The following RABGAP1L variants were observed in gnomAD, a reference collection of about 807,000 sequenced individuals.
The protein encoded by RABGAP1L is RAB GTPase activating protein 1 like, also known as rab GTPase-activating protein 1-like.
In RABGAP1L, 63 loss-of-function variants were observed where a neutral mutation model predicts 137.7. The observed-to-expected ratio is 0.46, with a 90% CI of 0.37 to 0.56. The LOEUF is 0.56. Ranked by LOEUF, RABGAP1L falls within the 20% of genes least tolerant of loss-of-function variation. The pLI is 0.00. For missense variants in RABGAP1L, 1,095 were observed against 1,244.0 expected (o/e 0.88, Z 1.80); for synonymous variants, 431 against 433.7 (o/e 0.99, Z 0.08).
intron 18 of RABGAP1L, among the ~76,000 whole-genome samples, chr1:174,756,557 C>A (rs1218022289): frequency 2.0e-5 from 3 of 151,880 alleles, no homozygotes; most frequent in Admixed American, 6.6e-5. Context: ...CAAATGGTAT[C>A]AAACGGACTG....
At chr1:174,305,775 ATT>A (rs1009119908) in intron 11 of RABGAP1L, among the ~76,000 whole-genome samples, 2 of 151,014 alleles carry the variant, frequency 1.3e-5, no homozygotes, top group African/African-American at 4.9e-5. Context: ...ATATATATAT[ATT>A]TTTAATACTT....
chr1:174,494,658 C>T lies in RABGAP1L; in HGVS notation c.1710+100513C>T, dbSNP rs553597597. 2.0e-5 allele frequency among the ~76,000 whole-genome samples: 3 copies of T among 152,216 alleles called. No individual in the cohort carries two copies. The South Asian group carries it at 6.2e-4, about 32-fold the overall frequency. On this transcript the variant is annotated intron_variant, in intron 13 of 25. Coordinates refer to ENST00000681986, the MANE Select transcript of RABGAP1L (RefSeq NM_001366446.1). ...GCCAGTAGAAAGAATTCCTAACAGC[C>T]AAAATCTCTGGTCTTTTAGAATGTC...
chr1:174,596,288 T>A (rs1669908503), intron 13 of RABGAP1L, among the ~76,000 whole-genome samples: 1 of 150,894 alleles, frequency 6.6e-6, no homozygotes, highest in South Asian at 2.1e-4. Context: ...GTACCTCAGA[T>A]GGAAATGCAG....
At chr1:174,972,801 C>G (rs1349563321) in intron 21 of RABGAP1L, among the ~76,000 whole-genome samples, 1 of 129,742 alleles carries the variant, frequency 7.7e-6, no homozygotes, top group Non-Finnish European at 1.5e-5. Flanking sequence ...TTGCAGTGAG[C>G]CAAGATCGCA....
intron 17 of RABGAP1L, among the ~76,000 whole-genome samples, chr1:174,712,451 G>A (rs1680628677): frequency 6.6e-6 from 1 of 152,158 alleles, no homozygotes; most frequent in Non-Finnish European, 1.5e-5. Flanking sequence ...CACCGCGAAG[G>A]TCTGCAGCTT....
intron 13 of RABGAP1L, among the ~76,000 whole-genome samples, chr1:174,548,805 A>C (rs1409209910): frequency 6.6e-6 from 1 of 152,212 alleles, no homozygotes; most frequent in Non-Finnish European, 1.5e-5. Flanking sequence ...GGTTTAAGTA[A>C]CACTAAAAGT....
intron 11 of RABGAP1L, among the ~76,000 whole-genome samples, chr1:174,318,531 C>T (rs921567005): frequency 5.9e-5 from 9 of 151,734 alleles, no homozygotes; most frequent in South Asian, 2.1e-4. Flanking sequence ...CATTTATATT[C>T]GAGATATTTA....
chr1:174,500,931 T>G (rs557577825), intron 13 of RABGAP1L, among the ~76,000 whole-genome samples: 1 of 152,332 alleles, frequency 6.6e-6, no homozygotes, highest in African/African-American at 2.4e-5. Flanking sequence ...GCCGCTGACA[T>G]TAAAGACCAA....
At chr1:174,651,584 A>G (rs529052009) in intron 14 of RABGAP1L, among the ~76,000 whole-genome samples, 3 of 152,258 alleles carry the variant, frequency 2.0e-5, no homozygotes, top group African/African-American at 7.2e-5. Context: ...CTTTACCATT[A>G]TGTAATGGCC....
chr1:174,781,439 T>G (rs185825949), intron 18 of RABGAP1L, among the ~76,000 whole-genome samples: 14 of 152,366 alleles, frequency 9.2e-5, no homozygotes, highest in Admixed American at 8.5e-4. Context: ...TAAATTTGTT[T>G]GAGTTCTTTG....
At chr1:174,485,394 A>G (rs1286218674) in intron 13 of RABGAP1L, among the ~76,000 whole-genome samples, 1 of 152,156 alleles carries the variant, frequency 6.6e-6, no homozygotes, top group Non-Finnish European at 1.5e-5. Context: ...CAGTGGTGAC[A>G]GTGGACATTC....
chr1:174,988,981 A>G (rs1001627128), intron 25 of RABGAP1L, 143 bp downstream of exon 25: 22 of 534,960 alleles, frequency 4.1e-5, no homozygotes, highest in African/African-American at 3.5e-4. Context: ...GCATAATCAC[A>G]TTTTATATCA....
chr1:174,518,525 A>C (rs1455281911), intron 13 of RABGAP1L, among the ~76,000 whole-genome samples: 3 of 152,134 alleles, frequency 2.0e-5, no homozygotes, highest in Non-Finnish European at 4.4e-5. Flanking sequence ...GAATATTTTC[A>C]ATCACTGGTT....
chr1:174,857,475 C>G (rs1649514582), intron 19 of RABGAP1L, among the ~76,000 whole-genome samples: 1 of 152,152 alleles, frequency 6.6e-6, no homozygotes, highest in South Asian at 2.1e-4. Flanking sequence ...ATAATAATCT[C>G]TAAAGCCAAT....
chr1:174,503,775 A>G (rs1661563532), intron 13 of RABGAP1L, among the ~76,000 whole-genome samples: 1 of 152,090 alleles, frequency 6.6e-6, no homozygotes, highest in Admixed American at 6.5e-5. Context: ...ATAGCTACAA[A>G]AAAATTACTC....
chr1:174,238,479 T>C (rs574926602), intron 4 of RABGAP1L, among the ~76,000 whole-genome samples: 1 of 152,270 alleles, frequency 6.6e-6, no homozygotes, highest in South Asian at 2.1e-4. Context: ...TTAGTTTTCC[T>C]TCTAATAGAC....
chr1:174,221,807 A>C (rs1669777248), intron 3 of RABGAP1L, among the ~76,000 whole-genome samples: 1 of 152,112 alleles, frequency 6.6e-6, no homozygotes, highest in Non-Finnish European at 1.5e-5. Flanking sequence ...CAAAGTAGCT[A>C]CCAGCAGAAA....
chr1:174,344,725 T>C (rs1186403439), intron 11 of RABGAP1L, among the ~76,000 whole-genome samples: 3 of 152,196 alleles, frequency 2.0e-5, no homozygotes, highest in South Asian at 4.1e-4. Flanking sequence ...TTCTAGTTAT[T>C]AATAATAAGG....
rs373165800 is a variant in RABGAP1L at position 174,214,358 on chromosome 1, A to G, written c.-33-4767A>G. ...AGAGAAGACACAACATTGGAAAGAT[A>G]TTCCATGTTCATGGGTTGGAGGAAC... On this transcript the variant is annotated intron_variant, in intron 1 of 25. Coordinates refer to ENST00000681986, the MANE Select transcript of RABGAP1L (RefSeq NM_001366446.1). Among the ~76,000 whole-genome samples the G allele has an allele frequency of 5.5e-4, 84 of 152,334 alleles. 1 individual carries two copies. In the South Asian group the frequency reaches 8.7e-3, roughly 16 times the overall value.
Sources: gnomAD v4.1 joint callset for allele counts (sites outside exome capture counted in the v4.1 genomes callset) on GRCh38, gnomAD v4.1.1 for gene constraint, MANE v1.5 for transcripts, NCBI Gene and HGNC (gene_info 2026-07-23, HGNC 2026-07-21) for gene names.